The following PLEKHM3 variants were observed in gnomAD, a reference collection of about 807,000 sequenced individuals.
PLEKHM3 encodes the protein pleckstrin homology domain-containing family M member 3.
Under a neutral mutation model 81.8 loss-of-function variants are expected in PLEKHM3, and 45 were observed. That is an observed-to-expected ratio of 0.55 (90% CI 0.43 to 0.71). The LOEUF (loss-of-function observed/expected upper bound fraction) is 0.71. PLEKHM3 is among the 30% of genes least tolerant of loss of function. The probability of loss-of-function intolerance (pLI) is 0.00; values close to 1 mark genes in which losing one functional copy is unlikely to be tolerated. For synonymous variants in PLEKHM3, 352 were observed against 356.4 expected, an observed-to-expected ratio of 0.99 and a Z score of 0.14; for missense variants, 788 against 924.3, an observed-to-expected ratio of 0.85 and a Z score of 1.91.
At chr2:207,933,373 A>C (rs966730825) in intron 4 of PLEKHM3, among the ~76,000 whole-genome samples, 2 of 152,248 alleles carry the variant, frequency 1.3e-5, no homozygotes, top group African/African-American at 4.8e-5. Context: ...TATTTTATTT[A>C]TCATGATTAA....
intron 7 of PLEKHM3, among the ~76,000 whole-genome samples, chr2:207,849,488 A>G (rs2092401199): frequency 6.6e-6 from 1 of 152,180 alleles, no homozygotes; most frequent in South Asian, 2.1e-4. Context: ...GCACAAAGAA[A>G]AACTGGCAAG....
At chr2:207,963,252 G>A (rs912958607) in intron 3 of PLEKHM3, among the ~76,000 whole-genome samples, 1 of 151,944 alleles carries the variant, frequency 6.6e-6, no homozygotes, top group Non-Finnish European at 1.5e-5. Flanking sequence ...AAGGCTCTAA[G>A]GTGGGTGAGC....
intron 7 of PLEKHM3, among the ~76,000 whole-genome samples, chr2:207,835,980 C>A (rs2092316833): frequency 6.6e-6 from 1 of 152,158 alleles, no homozygotes; most frequent in African/African-American, 2.4e-5. Context: ...CCAGAGTTAA[C>A]TGGGTGCATG....
At chr2:207,963,236 T>C (rs1690799500) in intron 3 of PLEKHM3, among the ~76,000 whole-genome samples, 1 of 151,846 alleles carries the variant, frequency 6.6e-6, no homozygotes, top group Non-Finnish European at 1.5e-5. Context: ...AGCAACTGCA[T>C]ATGCAAAGGC....
intron 5 of PLEKHM3, among the ~76,000 whole-genome samples, chr2:207,923,335 C>A (rs550760474): frequency 2.0e-5 from 3 of 152,132 alleles, no homozygotes; most frequent in Admixed American, 6.5e-5. Flanking sequence ...TAGCTAGGTG[C>A]GGTGGCTCAT....
chr2:207,830,473 C>T (rs967995988), intron 7 of PLEKHM3, among the ~76,000 whole-genome samples: 1 of 151,754 alleles, frequency 6.6e-6, no homozygotes, highest in African/African-American at 2.4e-5. Flanking sequence ...ATTAGCCGGG[C>T]GTGGTGACGC....
At chr2:207,868,555 T>C (rs1281509087) in intron 6 of PLEKHM3, 1 of 152,194 alleles carries the variant, frequency 6.6e-6, no homozygotes, top group Non-Finnish European at 1.5e-5. Flanking sequence ...TTTCCTTAAC[T>C]GAAAAATTAG....
chr2:207,984,008 C>G (rs1014225798), intron 2 of PLEKHM3, among the ~76,000 whole-genome samples: 2 of 152,140 alleles, frequency 1.3e-5, no homozygotes, highest in Non-Finnish European at 2.9e-5. Flanking sequence ...TTCTGGGTGC[C>G]AAACAGTAAA....
At position 207,861,280 on chromosome 2, in the gene PLEKHM3, G is replaced by A. The variant is rs758550099; in HGVS notation, c.1951-18C>T. ...TCTATTACCTGCAGAAAGAGAAATG[G>A]GACAGGGAAGCACATTTATTGAGAA... On this transcript the variant is annotated intron_variant, in intron 6 of 7. Transcript: ENST00000427836. 5 of 1,612,098 alleles carry A rather than the reference G, an allele frequency of 3.1e-6. No homozygotes were observed. The South Asian group carries it at 5.5e-5, about 18-fold the overall frequency.
chr2:207,964,480 G>A (rs1040832899), intron 3 of PLEKHM3, among the ~76,000 whole-genome samples: 1 of 152,186 alleles, frequency 6.6e-6, no homozygotes, highest in Non-Finnish European at 1.5e-5. Flanking sequence ...GCCCATGACA[G>A]GATTCCATGA....
intron 2 of PLEKHM3, among the ~76,000 whole-genome samples, chr2:207,991,539 T>C (rs1178694472): frequency 6.6e-6 from 1 of 152,100 alleles, no homozygotes; most frequent in African/African-American, 2.4e-5. Flanking sequence ...TTGCCAGAGA[T>C]TGCCTTAGGG....
chr2:207,996,974 G>T (rs1438054826), intron 2 of PLEKHM3, among the ~76,000 whole-genome samples: 2 of 151,286 alleles, frequency 1.3e-5, no homozygotes, highest in Admixed American at 6.6e-5. Flanking sequence ...AAGAAATTGA[G>T]GTCAGTACTA....
At chr2:207,955,073 G>A (rs1690458524) in intron 3 of PLEKHM3, among the ~76,000 whole-genome samples, 1 of 152,134 alleles carries the variant, frequency 6.6e-6, no homozygotes, top group African/African-American at 2.4e-5. Context: ...CACCATTTTA[G>A]AGAATCTGAC....
intron 3 of PLEKHM3, among the ~76,000 whole-genome samples, chr2:207,974,815 T>C (rs1691248039): frequency 6.6e-6 from 1 of 151,868 alleles, no homozygotes; most frequent in Non-Finnish European, 1.5e-5. Flanking sequence ...CAGATACATA[T>C]ATATAAACTA....
intron 5 of PLEKHM3, among the ~76,000 whole-genome samples, chr2:207,925,920 C>T (rs557859656): frequency 2.6e-5 from 4 of 152,042 alleles, no homozygotes; most frequent in South Asian, 2.1e-4. Context: ...TCTAGACATT[C>T]GGCATCCTTT....
At chr2:207,944,427 T>C (rs1208053360) in intron 4 of PLEKHM3, among the ~76,000 whole-genome samples, 2 of 152,188 alleles carry the variant, frequency 1.3e-5, no homozygotes, top group African/African-American at 4.8e-5. Flanking sequence ...TAAACTTTCA[T>C]ATGACAAGTA....
rs138149985 is a variant in PLEKHM3, at chr2:207,930,615, C to T, written c.1886+311G>A. ...ACATAAGTGACCAATATAGATATTT[C>T]CATGATTATTATCTCAAATTAACAT... is the stretch of plus-strand genomic sequence containing the variant. On this transcript the variant is annotated intron_variant, in intron 5 of 7. Coordinates refer to ENST00000427836, the MANE Select transcript of PLEKHM3 (RefSeq NM_001080475.3). 2.0e-5 allele frequency among the ~76,000 whole-genome samples: 3 copies of T among 152,158 alleles called. No individual in the cohort carries two copies. In the East Asian group the frequency reaches 5.8e-4, roughly 29 times the overall value.
chr2:207,898,372 C>T (rs947192602), intron 6 of PLEKHM3, among the ~76,000 whole-genome samples: 3 of 152,188 alleles, frequency 2.0e-5, no homozygotes, highest in Non-Finnish European at 4.4e-5. Context: ...CCCCTTGGGC[C>T]TGCTTCAGGG....
chr2:208,013,790 T>C (rs1367676670), intron 1 of PLEKHM3, among the ~76,000 whole-genome samples: 1 of 152,202 alleles, frequency 6.6e-6, no homozygotes, highest in Non-Finnish European at 1.5e-5. Flanking sequence ...CTTTTGGTCA[T>C]TGCAACTCAC....
Sources: allele counts gnomAD v4.1 joint callset (sites outside exome capture counted in the v4.1 genomes callset), GRCh38; gene constraint gnomAD v4.1.1; transcripts MANE v1.5; gene names NCBI Gene and HGNC (gene_info 2026-07-23, HGNC 2026-07-21).